The following TALDO1 variants were observed in gnomAD, a reference collection of about 807,000 sequenced individuals.
TALDO1 encodes transaldolase 1, also known as transaldolase.
Under a neutral mutation model 38.1 loss-of-function variants are expected in TALDO1, and 29 were observed. That is an observed-to-expected ratio of 0.76 (90% confidence interval 0.57 to 1.04). TALDO1 has a LOEUF of 1.04. TALDO1 is among the 50% of genes least tolerant of loss of function. The pLI, the probability that TALDO1 is intolerant of heterozygous loss-of-function variation, is 0.00. For missense variants in TALDO1, 499 were observed against 438.1 expected, an observed-to-expected ratio of 1.14 and a Z score of -1.24; for synonymous variants, 207 against 176.8, an observed-to-expected ratio of 1.17 and a Z score of -1.36.
intron 1 of TALDO1, among the ~76,000 whole-genome samples, chr11:752,784 C>T (rs754513832): frequency 6.6e-6 from 1 of 152,166 alleles, no homozygotes; most frequent in Non-Finnish European, 1.5e-5. Flanking sequence ...GTGATCTGCT[C>T]CAGCAAATTA....
chr11:747,965 C>G (rs1483721102), intron 1 of TALDO1, among the ~76,000 whole-genome samples: 7 of 152,226 alleles, frequency 4.6e-5, no homozygotes, highest in Non-Finnish European at 8.8e-5. Context: ...CAGCCTCGCC[C>G]TCCGCCCAGG....
Position 756,012 on chromosome 11 carries a change from T to TG in TALDO1, c.221+12dup, listed in dbSNP as rs1429043187. 3.1e-6 allele frequency: 5 copies of TG among 1,611,504 alleles called. No homozygotes were observed. Among genetic ancestry groups the TG allele is most frequent in the Non-Finnish European group, 4.2e-6 (5 of 1,179,236 alleles). On this transcript the variant is annotated intron_variant, in intron 2 of 7. Coordinates refer to ENST00000319006, the MANE Select transcript of TALDO1 (RefSeq NM_006755.2). ...GCCGGAAGCTGGGCGGGTGAGTGCC[T>TG]GGACTCGGGAGGGTCCCAGCTAGGC...
intron 2 of TALDO1, among the ~76,000 whole-genome samples, chr11:757,277 A>G (rs528131882): frequency 1.3e-4 from 20 of 149,366 alleles, no homozygotes; most frequent in Admixed American, 1.1e-3. Context: ...ACCCATGTCC[A>G]GATGGCCCCA....
rs200993914 is a variant in TALDO1, at chr11:764,796, G to A, written c.982-17G>A. The A allele has an allele frequency of 3.2e-5, 52 of 1,614,172 alleles. No individual in the cohort carries two copies. In the East Asian group the frequency reaches 9.4e-4, roughly 29 times the overall value. On this transcript the variant is annotated splice_polypyrimidine_tract_variant and intron_variant, in intron 7 of 7. Transcript: ENST00000319006. ...GGTAGGGTGGGGAGACACAGCTCGTGCTCTGTTTGTTTCTAGGAACGAATG... is the reference window on the plus strand; with the variant it reads ...GGTAGGGTGGGGAGACACAGCTCGTACTCTGTTTGTTTCTAGGAACGAATG...
chr11:764,189 T>A, intron 6 of TALDO1, 99 bp from the exon 7 acceptor site: 3 of 1,597,092 alleles, frequency 1.9e-6, no homozygotes, highest in Non-Finnish European at 2.6e-6. Context: ...CTGGCCCTGG[T>A]GGGAGATGCT....
chr11:764,240 T>C (rs1564994823), intron 6 of TALDO1, 48 bp from the exon 7 acceptor site: 9 of 1,613,682 alleles, frequency 5.6e-6, no homozygotes, highest in Non-Finnish European at 7.6e-6. Flanking sequence ...GGGGCCAAGG[T>C]GGGCAGGGAC....
chr11:761,962 GTTTTTTTGTT>G (rs1322171021), intron 4 of TALDO1, among the ~76,000 whole-genome samples: 3 of 151,110 alleles, frequency 2.0e-5, no homozygotes, highest in South Asian at 2.1e-4. Context: ...TCATTTGTGT[GTTTTTTTGTT>G]TTTTTTTGTT....
At chr11:761,763 T>G (rs547187940) in intron 4 of TALDO1, among the ~76,000 whole-genome samples, 1 of 152,104 alleles carries the variant, frequency 6.6e-6, no homozygotes, top group Non-Finnish European at 1.5e-5. Flanking sequence ...ACTGCAGCCT[T>G]GACTCCAGGC....
chr11:758,916 C>CT (rs1862887597), intron 2 of TALDO1, 34 bp from the exon 3 acceptor site: 6 of 1,581,048 alleles, frequency 3.8e-6, no homozygotes, highest in Non-Finnish European at 5.2e-6. Context: ...ACCTCAGAAG[C>CT]TTCTAACCTG....
In TALDO1 at chr11:747,474, G is replaced by A; in HGVS notation, c.-8G>A. On this transcript the variant is annotated 5_prime_UTR_variant, in exon 1 of 8. Coordinates refer to ENST00000319006, the MANE Select transcript of TALDO1 (RefSeq NM_006755.2). ...CGCCGCCGCCGCCGCAGACCCCTCG[G>A]TCTTGCTATGTCGAGCTCACCCGTG... is the stretch of plus-strand genomic sequence containing the variant. 1.3e-6 allele frequency: 2 copies of A among 1,586,098 alleles called. No homozygotes were observed. Among genetic ancestry groups the A allele is most frequent in the Non-Finnish European group, 1.7e-6 (2 of 1,168,896 alleles).
intron 1 of TALDO1, among the ~76,000 whole-genome samples, chr11:752,086 T>C (rs932431562): frequency 6.6e-6 from 1 of 152,020 alleles, no homozygotes; most frequent in Non-Finnish European, 1.5e-5. Flanking sequence ...TTCTTTTTTT[T>C]TGGAGGCGGA....
intron 1 of TALDO1, among the ~76,000 whole-genome samples, chr11:755,339 T>C (rs1465023272): frequency 6.6e-6 from 1 of 151,794 alleles, no homozygotes; most frequent in Non-Finnish European, 1.5e-5. Context: ...AGAGACGGGG[T>C]TTCACCGTGT....
At chr11:764,252 T>C (rs776882530) in intron 6 of TALDO1, 36 bp from the exon 7 acceptor site, 3 of 1,613,866 alleles carry the variant, frequency 1.9e-6, no homozygotes, top group Non-Finnish European at 2.5e-6. Context: ...GGCAGGGACA[T>C]GGAGCAGGCA....
chr11:748,857 G>A (rs1262431005), intron 1 of TALDO1, among the ~76,000 whole-genome samples: 1 of 152,198 alleles, frequency 6.6e-6, no homozygotes, highest in Non-Finnish European at 1.5e-5. Flanking sequence ...CTCCAGAAAA[G>A]GGGCTACACA....
rs753787975 is a variant in TALDO1, at chr11:764,383, G to T, written c.931G>T (p.Gly311Trp). 5.0e-6 allele frequency: 8 copies of T among 1,613,670 alleles called. No individual in the cohort carries two copies. The highest frequency in any genetic ancestry group is 5.9e-6 in the Non-Finnish European group (7 of 1,179,696). The change falls in exon 7 of 8, where the codon GGG becomes TGG. Residue 311 changes from glycine (G) to tryptophan (W), a missense_variant. Transcript: ENST00000319006. The part of the protein sequence containing the change: ...DQMAVEKLSD[G>W]IRKFAADAVK... ...GATGGCTGTGGAGAAGCTCTCTGAC[G>T]GGATCCGCAAGTTTGCCGCTGATGC...
At chr11:750,296 G>C (rs908873083) in intron 1 of TALDO1, among the ~76,000 whole-genome samples, 2 of 151,796 alleles carry the variant, frequency 1.3e-5, no homozygotes, top group African/African-American at 4.8e-5. Context: ...TCCAGCCTGC[G>C]CAACATGGTA....
chr11:763,458 C>T lies in TALDO1; in HGVS notation c.576C>T (p.Arg192=), dbSNP rs766892827. The change falls in exon 5 of 8, where the codon CGC becomes CGT. Residue 192 remains arginine (R), a synonymous_variant. Transcript: ENST00000319006. ...GVTLISPFVG[R]ILDWHVANTD... is the part of the protein sequence containing the mutation. ...CCCTCATCTCCCCATTTGTTGGGCG[C>T]ATCCTTGATTGGCATGTGGCAAACA... is the stretch of plus-strand genomic sequence containing the variant. The T allele has an allele frequency of 1.2e-6, 2 of 1,613,698 alleles. No homozygotes were observed. The highest frequency in any genetic ancestry group is 3.3e-5 in the Admixed American group (2 of 59,962).
chr11:752,291 A>G (rs1367085106), intron 1 of TALDO1: 3 of 149,904 alleles, frequency 2.0e-5, no homozygotes, highest in African/African-American at 7.4e-5. Flanking sequence ...CGTGTTAGCC[A>G]GGATGGTCTG....
rs951340882 is a variant in TALDO1 at position 757,287 on chromosome 11, A to C, written c.221+1285A>C. Among the ~76,000 whole-genome samples, 56 of 134,774 alleles carry C rather than the reference A, an allele frequency of 4.2e-4. 1 individual carries two copies. The highest frequency in any genetic ancestry group is 1.6e-3 in the South Asian group (7 of 4,490). 88.4% of individuals were successfully genotyped at this position (134,774 alleles called of 152,430 possible). On this transcript the variant is annotated intron_variant, in intron 2 of 7. Transcript: ENST00000319006. ...CCTGCACCCATGTCCAGATGGCCCC[A>C]AATTTTTTTTTTTTTTTTTTTTTGA...
Sources: gnomAD v4.1 joint callset for allele counts (sites outside exome capture counted in the v4.1 genomes callset) on GRCh38, gnomAD v4.1.1 for gene constraint, MANE v1.5 for transcripts, NCBI Gene and HGNC (gene_info 2026-07-23, HGNC 2026-07-21) for gene names.